FGF13: variants seen among roughly 807,000 people sequenced by gnomAD.
FGF13 encodes the protein fibroblast growth factor homologous factor 2.
A neutral mutation model predicts 19.5 loss-of-function variants in FGF13; 2 were observed. The observed-to-expected ratio is 0.10, with a 90% CI of 0.04 to 0.32. The LOEUF is 0.32. FGF13 is among the 10% of genes least tolerant of loss of function. FGF13 has a pLI of 1.00. For synonymous variants in FGF13, 72 were observed against 76.9 expected (o/e 0.94, Z 0.33); for missense variants, 113 against 192.7 (o/e 0.59, Z 2.45).
chrX:139,112,030 A>C (rs906412698), intron 1 of FGF13, among the ~76,000 whole-genome samples: 23 of 112,117 alleles, frequency 2.1e-4, no homozygotes, highest in Non-Finnish European at 3.8e-5. Flanking sequence ...AATGGTCATA[A>C]ATTCTAAGAC....
intron 3 of FGF13, among the ~76,000 whole-genome samples, chrX:138,751,461 G>C (rs978330370): frequency 9.0e-6 from 1 of 111,514 alleles, no homozygotes; most frequent in Non-Finnish European, 1.9e-5. Flanking sequence ...TTAGATAGGG[G>C]AGTTACTACA....
chrX:139,094,356 A>G (rs909678184), intron 1 of FGF13, among the ~76,000 whole-genome samples: 2 of 112,236 alleles, frequency 1.8e-5, no homozygotes, highest in Non-Finnish European at 3.7e-5. Flanking sequence ...TCAAACCTAC[A>G]TGAATTAGAA....
intron 1 of FGF13, among the ~76,000 whole-genome samples, chrX:138,988,108 T>C (rs112315248): frequency 0.031 from 3,430 of 111,456 alleles, 48 homozygotes; most frequent in Non-Finnish European, 0.049. Flanking sequence ...CACAGTTTCC[T>C]TGGTGGACTC....
intron 1 of FGF13, among the ~76,000 whole-genome samples, chrX:138,989,403 A>G (rs2092005988): frequency 8.9e-6 from 1 of 111,774 alleles, no homozygotes. Flanking sequence ...AACCCAAAAT[A>G]TTCATTTAGA....
intron 1 of FGF13, among the ~76,000 whole-genome samples, chrX:139,057,795 A>G (rs1034603523): frequency 2.4e-4 from 27 of 112,502 alleles, no homozygotes; most frequent in African/African-American, 7.7e-4. Context: ...AGAGCTGCAT[A>G]TTGTTTGATG....
chrX:138,846,883 A>T (rs1422268514), intron 3 of FGF13, among the ~76,000 whole-genome samples: 1 of 111,543 alleles, frequency 9.0e-6, no homozygotes, highest in East Asian at 2.9e-4. Flanking sequence ...GGACCAAGTC[A>T]TCAGTTCCTT....
chrX:139,041,833 G>C (rs894585550), intron 1 of FGF13, among the ~76,000 whole-genome samples: 4 of 112,239 alleles, frequency 3.6e-5, no homozygotes, highest in Admixed American at 9.4e-5. Context: ...CTTAATGATT[G>C]TTGGTGGAAG....
chrX:138,796,582 T>C (rs1175098398), intron 3 of FGF13, among the ~76,000 whole-genome samples: 1 of 111,983 alleles, frequency 8.9e-6, no homozygotes, highest in African/African-American at 3.3e-5. Flanking sequence ...TTTGGGTATA[T>C]ACCCAGTAAT....
At chrX:139,149,740 G>A (rs2083918106) in intron 1 of FGF13, among the ~76,000 whole-genome samples, 1 of 111,747 alleles carries the variant, frequency 8.9e-6, no homozygotes, top group Non-Finnish European at 1.9e-5. Context: ...TTAAAGGTGA[G>A]CCCCCATTAA....
chrX:138,867,833 C>CTATCTATCTATCTATCTATCATCT (rs1556269063), intron 1 of FGF13, among the ~76,000 whole-genome samples: 1 of 99,309 alleles, frequency 1.0e-5, no homozygotes, highest in African/African-American at 3.7e-5. Flanking sequence ...ATCTATCTAT[C>CTATCTATCTATCTATCTATCATCT]ATCTATCTAT....
rs1205171872 is a variant in FGF13, at chrX:138,626,744, A to G, written c.*6106T>C. 1 of 111,711 alleles carries G rather than the reference A, an allele frequency of 9.0e-6. No individual in the cohort carries two copies. The highest frequency in any genetic ancestry group is 1.9e-5 in the Non-Finnish European group (1 of 53,199). 9.2% of individuals were successfully genotyped at this position (111,711 alleles called of 1,213,427 possible). On this transcript the variant is annotated 3_prime_UTR_variant, in exon 5 of 5. Transcript: ENST00000315930. The stretch of plus-strand genomic sequence containing the variant: ...CACAGACACAGACACACACACACGC[A>G]CACAGAAACAATAGGGTAGTGTTTG...
chrX:139,120,063 T>C (rs950520692), intron 1 of FGF13, among the ~76,000 whole-genome samples: 1 of 112,074 alleles, frequency 8.9e-6, no homozygotes, highest in African/African-American at 3.2e-5. Flanking sequence ...GGTTGTTTGA[T>C]AAGTGTCTGC....
intron 3 of FGF13, among the ~76,000 whole-genome samples, chrX:138,834,456 C>T (rs2091097091): frequency 9.0e-6 from 1 of 111,338 alleles, no homozygotes. Flanking sequence ...ATCCTATTCT[C>T]TGATAGTTGT....
intron 3 of FGF13, among the ~76,000 whole-genome samples, chrX:138,817,691 A>T (rs1030943961): frequency 7.2e-5 from 8 of 111,672 alleles, no homozygotes; most frequent in Non-Finnish European, 1.5e-4. Context: ...TCCTCTGAAA[A>T]ATTTCTGATC....
At chrX:138,783,555 C>G (rs1371533235) in intron 3 of FGF13, among the ~76,000 whole-genome samples, 1 of 97,831 alleles carries the variant, frequency 1.0e-5, no homozygotes, top group African/African-American at 3.6e-5. Context: ...CCAAAAGACA[C>G]ATGAAAAAAT....
intron 3 of FGF13, among the ~76,000 whole-genome samples, chrX:138,679,207 G>C (rs916079910): frequency 2.7e-5 from 3 of 110,961 alleles, no homozygotes; most frequent in Non-Finnish European, 3.8e-5. Flanking sequence ...TTCCTGAGTA[G>C]TTGGGACTAC....
At chrX:138,667,836 T>C (rs5976185) in intron 3 of FGF13, 1 of 301,529 alleles carries the variant, frequency 3.3e-6, no homozygotes, top group Non-Finnish European at 6.7e-6. Context: ...TCTGTTGTGA[T>C]TCTATGTGGG....
chrX:138,940,027 C>T (rs1239554367), intron 1 of FGF13, among the ~76,000 whole-genome samples: 1 of 112,007 alleles, frequency 8.9e-6, no homozygotes, highest in Admixed American at 9.4e-5. Context: ...CTAATTTACA[C>T]TCCTACCAGA....
intron 1 of FGF13, among the ~76,000 whole-genome samples, chrX:139,036,624 A>C (rs2092251384): frequency 9.0e-6 from 1 of 111,292 alleles, no homozygotes; most frequent in Non-Finnish European, 1.9e-5. Flanking sequence ...CCTTGCATCA[A>C]GCATAGTGTA....
Sources: gnomAD v4.1 joint callset for allele counts (sites outside exome capture counted in the v4.1 genomes callset) on GRCh38, gnomAD v4.1.1 for gene constraint, MANE v1.5 for transcripts, NCBI Gene and HGNC (gene_info 2026-07-23, HGNC 2026-07-21) for gene names.